The following ETNPPL variants were observed in gnomAD, a reference collection of about 807,000 sequenced individuals.
The protein encoded by ETNPPL is alanine--glyoxylate aminotransferase 2-like 1.
Under a neutral mutation model 55.5 loss-of-function variants are expected in ETNPPL, and 30 were observed. That is an observed-to-expected ratio of 0.54 (90% CI 0.40 to 0.73). ETNPPL has a LOEUF of 0.73. Among genes scored for constraint, ETNPPL ranks in the 30% least tolerant of loss-of-function variants. The pLI is 0.00. For synonymous variants in ETNPPL, 202 were observed against 207.2 expected, an observed-to-expected ratio of 0.98 and a Z score of 0.21; for missense variants, 528 against 607.9, an observed-to-expected ratio of 0.87 and a Z score of 1.38.
chr4:108,760,177 A>C lies in ETNPPL; in HGVS notation c.175+11T>G. On this transcript the variant is annotated intron_variant, in intron 2 of 12. Transcript: ENST00000296486. ...ATTTCCTCCAAAGCACTGCAAGGAC[A>C]GGACATTTACCATGGGCAACATTGT... 2 of 1,523,448 alleles carry C rather than the reference A, an allele frequency of 1.3e-6. No homozygotes were observed. Among genetic ancestry groups the C allele is most frequent in the Non-Finnish European group, 1.8e-6 (2 of 1,099,218 alleles). 94.4% of individuals were successfully genotyped at this position (1,523,448 alleles called of 1,614,324 possible).
chr4:108,755,688 C>T (rs1191303065), intron 4 of ETNPPL, among the ~76,000 whole-genome samples: 2 of 152,034 alleles, frequency 1.3e-5, no homozygotes, highest in African/African-American at 4.8e-5. Flanking sequence ...GGCATGGCAG[C>T]GGGCACCTAT....
intron 12 of ETNPPL, 89 bp downstream of exon 12, chr4:108,743,700 T>C (rs1728325822): frequency 1.1e-6 from 1 of 950,620 alleles, no homozygotes; most frequent in Non-Finnish European, 1.7e-6. Context: ...TAATGGTCAC[T>C]GCACAATTTT....
At chr4:108,760,424 A>C in intron 1 of ETNPPL, 118 bp from the exon 2 acceptor site, 1 of 533,298 alleles carries the variant, frequency 1.9e-6, no homozygotes. Context: ...GGGAAAACAC[A>C]ACCTGGATGA....
chr4:108,746,530 C>T lies in ETNPPL; in HGVS notation c.1173-1G>A, dbSNP rs141320018. 1.8e-4 allele frequency: 292 copies of T among 1,611,580 alleles called. No individual in the cohort carries two copies. Among genetic ancestry groups the T allele is most frequent in the Non-Finnish European group, 2.4e-4 (281 of 1,179,602 alleles). On this transcript the variant is annotated splice_acceptor_variant, in intron 10 of 12. Transcript: ENST00000296486. LOFTEE classifies it high-confidence loss of function. ...GAGAAGCACTCGTTTTTCTTTCATCCTAATTTGTGTAGGAAATACATGTGA... is the reference window on the plus strand; with the variant it reads ...GAGAAGCACTCGTTTTTCTTTCATCTTAATTTGTGTAGGAAATACATGTGA...
chr4:108,759,472 C>T (rs903806301), intron 3 of ETNPPL, among the ~76,000 whole-genome samples: 2 of 148,666 alleles, frequency 1.3e-5, no homozygotes, highest in Admixed American at 1.3e-4. Context: ...GTTACTCATA[C>T]ACTCATTGAA....
rs1729421401 is a variant in ETNPPL at position 108,759,830 on chromosome 4, T to G, written c.254A>C (p.His85Pro). ...TTTGGCATACTCAACAATGTTGTCGTGGAGGAATCGAGAATTTGTATTTAG... is the reference window on the plus strand; with the variant it reads ...TTTGGCATACTCAACAATGTTGTCGGGGAGGAATCGAGAATTTGTATTTAG... ...ELLNTNSRFL[H>P]DNIVEYAKRL... is the part of the protein sequence containing the mutation. Residue 85 changes from histidine to proline, a missense_variant, in exon 3 of 13, where the codon CAC (histidine) becomes CCC (proline). Coordinates refer to ENST00000296486, the MANE Select transcript of ETNPPL (RefSeq NM_031279.4). The G allele has an allele frequency of 1.9e-6, 3 of 1,614,132 alleles. No individual in the cohort carries two copies. The highest frequency in any genetic ancestry group is 8.5e-7 in the Non-Finnish European group (1 of 1,179,988).
chr4:108,754,947 T>C (rs1037466000), intron 4 of ETNPPL, among the ~76,000 whole-genome samples: 1 of 152,226 alleles, frequency 6.6e-6, no homozygotes, highest in Non-Finnish European at 1.5e-5. Flanking sequence ...TGTGTCCTCA[T>C]TGACAATTTC....
At chr4:108,751,097 G>A in intron 6 of ETNPPL, 79 bp from the exon 7 acceptor site, 1 of 976,078 alleles carries the variant, frequency 1.0e-6, no homozygotes, top group Non-Finnish European at 1.6e-6. Flanking sequence ...TATAGAGCAG[G>A]TTATTTTAAA....
rs1728559266 is a variant in ETNPPL at position 108,747,137 on chromosome 4, TATATATATATA to T, written c.1083-297_1083-287del. Among the ~76,000 whole-genome samples, 2 of 28,528 alleles carry T rather than the reference TATATATATATA, an allele frequency of 7.0e-5. 1 individual carries two copies. Among genetic ancestry groups the T allele is most frequent in the African/African-American group, 3.5e-4 (2 of 5,710 alleles). The allele number at this position is 28,528 out of a possible 152,430, so 18.7% of individuals were successfully genotyped here. ...TAAATGTTAACATTATATATATATA[TATATATATATA>T]ATATATATATATATATTATATATAT... On this transcript the variant is annotated intron_variant, in intron 9 of 12. Transcript: ENST00000296486.
chr4:108,753,657 G>A (rs1344738467), intron 5 of ETNPPL, among the ~76,000 whole-genome samples: 2 of 151,942 alleles, frequency 1.3e-5, no homozygotes, highest in African/African-American at 4.8e-5. Flanking sequence ...CTGAAGAATC[G>A]CTTGAACGCT....
chr4:108,742,343 A>G lies in ETNPPL; in HGVS notation c.*141T>C. On this transcript the variant is annotated 3_prime_UTR_variant, in exon 13 of 13. Transcript: ENST00000296486. ...TTTGATTATCACTTGGTTTATTCTG[A>G]TTACTCATTTACCTTTTCATTTATG... The G allele has an allele frequency of 3.8e-6, 3 of 785,714 alleles. No homozygotes were observed. The highest frequency in any genetic ancestry group is 3.6e-5 in the South Asian group (2 of 55,742). The allele number at this position is 785,714 out of a possible 1,614,324, so 48.7% of individuals were successfully genotyped here.
At position 108,749,140 on chromosome 4, in the gene ETNPPL, C is replaced by T. The variant is rs58288023; in HGVS notation, c.927+98G>A. ...TTGGCCAGAGTTCTGGGTGGTTAGCCGGCAATACTGAGCTTTATTCTTTAC... is the reference window on the plus strand; with the variant it reads ...TTGGCCAGAGTTCTGGGTGGTTAGCTGGCAATACTGAGCTTTATTCTTTAC... On this transcript the variant is annotated intron_variant, in intron 8 of 12. Coordinates refer to ENST00000296486, the MANE Select transcript of ETNPPL (RefSeq NM_031279.4). 7.0e-3 allele frequency: 6,007 copies of T among 853,022 alleles called. 189 individuals are homozygous for T. The African/African-American group carries it at 0.077, about 11-fold the overall frequency. 52.8% of individuals were successfully genotyped at this position (853,022 alleles called of 1,614,324 possible).
intron 12 of ETNPPL, 92 bp downstream of exon 12, chr4:108,743,697 C>T (rs1265537071): frequency 2.3e-6 from 2 of 882,526 alleles, no homozygotes; most frequent in Non-Finnish European, 3.8e-6. Context: ...TTCTAATGGT[C>T]ACTGCACAAT....
chr4:108,762,724 G>T, intron 1 of ETNPPL, 119 bp downstream of exon 1: 1 of 1,260,584 alleles, frequency 7.9e-7, no homozygotes, highest in Non-Finnish European at 1.2e-6. Flanking sequence ...GCACAGGCGC[G>T]GCGGGCACGG....
Position 108,748,020 on chromosome 4 carries a change from A to C in ETNPPL, c.1067T>G (p.Leu356Trp), listed in dbSNP as rs751900139. ...ATGAACATACCTAATATCTCCTATC[A>C]AAGTGTGTTTAGCCTTCTGTTTTTT... is the stretch of plus-strand genomic sequence containing the variant. Reference protein sequence around the residue: ...LLKKQKAKHTLIGDIRGIGLF... With the variant: ...LLKKQKAKHTWIGDIRGIGLF... Residue 356 changes from leucine to tryptophan, a missense_variant, in exon 9 of 13, where the codon TTG (leucine) becomes TGG (tryptophan). By Grantham distance (61) the Leu-to-Trp change is moderately conservative. Transcript: ENST00000296486. 9 of 1,609,378 alleles carry C rather than the reference A, an allele frequency of 5.6e-6. No homozygotes were observed. In the Admixed American group the frequency reaches 1.4e-4, roughly 24 times the overall value.
Position 108,746,783 on chromosome 4 carries a change from T to C in ETNPPL, c.1151A>G (p.Glu384Gly). Residue 384 changes from glutamate to glycine, a missense_variant, in exon 10 of 13, where the codon GAA becomes GGA. Physicochemically the swap from Glu to Gly is moderately conservative, Grantham distance 98. Transcript: ENST00000296486. Reference sequence around the variant, plus strand: ...TTACTTGTAGATGATGTGCTGAGCTTCAGCTGTGGCAGGGGTCCTTTTCAG... The same window carrying C: ...TTACTTGTAGATGATGTGCTGAGCTCCAGCTGTGGCAGGGGTCCTTTTCAG... ...DHLKRTPATA[E>G]AQHIIYKMKE... 6.2e-7 allele frequency: 1 copy of C among 1,613,936 alleles called. No homozygotes were observed. The highest frequency in any genetic ancestry group is 8.5e-7 in the Non-Finnish European group (1 of 1,179,930).
chr4:108,761,686 G>A (rs1014605685), intron 1 of ETNPPL, among the ~76,000 whole-genome samples: 34 of 152,216 alleles, frequency 2.2e-4, no homozygotes, highest in African/African-American at 8.0e-4. Flanking sequence ...ATCTAACTAA[G>A]ATTGAAAACT....
Position 108,753,009 on chromosome 4 carries a change from T to C in ETNPPL, c.504A>G (p.Ala168=). Residue 168 remains alanine, a splice_region_variant and synonymous_variant, in exon 6 of 13, where the codon GCA becomes GCG. Transcript: ENST00000296486. ...KDVKKEFVHV[A]PTPDTYRGKY... is the part of the protein sequence containing the mutation. ...TTCCTCTGTAAGTATCTGGAGTTGG[T>C]GCCTGAAAACATCAAATAATGCAGT... 6.3e-7 allele frequency: 1 copy of C among 1,581,190 alleles called. No homozygotes were observed. The highest frequency in any genetic ancestry group is 8.7e-7 in the Non-Finnish European group (1 of 1,155,926).
At chr4:108,744,790 C>A (rs1261408534) in intron 11 of ETNPPL, among the ~76,000 whole-genome samples, 2 of 148,534 alleles carry the variant, frequency 1.3e-5, no homozygotes, top group African/African-American at 5.0e-5. Flanking sequence ...GCACGGCTCA[C>A]TGCAACCTCT....
Sources: allele counts gnomAD v4.1 joint callset (sites outside exome capture counted in the v4.1 genomes callset), GRCh38; gene constraint gnomAD v4.1.1; transcripts MANE v1.5; gene names NCBI Gene and HGNC (gene_info 2026-07-23, HGNC 2026-07-21).